The following HEPHL1 variants were observed in gnomAD, a reference collection of about 807,000 sequenced individuals.
HEPHL1 encodes the protein ferroxidase HEPHL1.
A neutral mutation model predicts 122.0 loss-of-function variants in HEPHL1; 123 were observed. The observed-to-expected ratio is 1.01, with a 90% CI of 0.87 to 1.17. The LOEUF (loss-of-function observed/expected upper bound fraction) is 1.17, where lower values mean the gene tolerates loss of function less well. Among genes scored for constraint, HEPHL1 ranks in the 50% most tolerant of loss-of-function variants. HEPHL1 has a pLI of 0.00. For missense variants in HEPHL1, 1,452 were observed against 1,430.5 expected, an observed-to-expected ratio of 1.01 and a Z score of -0.24; for synonymous variants, 527 against 508.9, an observed-to-expected ratio of 1.04 and a Z score of -0.48.
intron 1 of HEPHL1, among the ~76,000 whole-genome samples, chr11:94,030,777 G>A (rs1945667505): frequency 6.6e-6 from 1 of 152,220 alleles, no homozygotes; most frequent in Non-Finnish European, 1.5e-5. Context: ...CTTGCACAGG[G>A]AAATGTAAGT....
chr11:94,087,154 T>A (rs932176868), intron 11 of HEPHL1, among the ~76,000 whole-genome samples: 2 of 152,216 alleles, frequency 1.3e-5, no homozygotes, highest in East Asian at 3.8e-4. Flanking sequence ...TTAGTATAGT[T>A]GATCAATTAT....
At chr11:94,110,385 T>A (rs1245988858) in intron 17 of HEPHL1, among the ~76,000 whole-genome samples, 1 of 152,148 alleles carries the variant, frequency 6.6e-6, no homozygotes, top group African/African-American at 2.4e-5. Flanking sequence ...TTTTCAAAGG[T>A]TTGACTGGAG....
intron 13 of HEPHL1, among the ~76,000 whole-genome samples, chr11:94,094,831 C>A (rs914535971): frequency 6.6e-6 from 1 of 152,166 alleles, no homozygotes; most frequent in Non-Finnish European, 1.5e-5. Context: ...CCTTCACCCA[C>A]TTGTTGATAG....
Position 94,100,753 on chromosome 11 carries a change from C to T in HEPHL1, c.2435-442C>T, listed in dbSNP as rs374443270. 1.1e-4 allele frequency among the ~76,000 whole-genome samples: 16 copies of T among 152,228 alleles called. No individual in the cohort carries two copies. The East Asian group carries it at 2.3e-3, about 22-fold the overall frequency. Reference sequence around the variant, plus strand: ...ACAGGGGGATTACAACTGAAAGTCACCATATCATGTGGATATGGCTTTTCC... The same window carrying T: ...ACAGGGGGATTACAACTGAAAGTCATCATATCATGTGGATATGGCTTTTCC... On this transcript the variant is annotated intron_variant, in intron 13 of 19. Coordinates refer to ENST00000315765, the MANE Select transcript of HEPHL1 (RefSeq NM_001098672.2).
At chr11:94,074,522 A>C (rs1946104271) in intron 8 of HEPHL1, among the ~76,000 whole-genome samples, 1 of 152,172 alleles carries the variant, frequency 6.6e-6, no homozygotes, top group Admixed American at 6.5e-5. Context: ...CTCAGCAAAC[A>C]TACTGGGCAC....
chr11:94,104,823 C>G, intron 16 of HEPHL1, 73 bp downstream of exon 16: 1 of 1,123,958 alleles, frequency 8.9e-7, no homozygotes, highest in Non-Finnish European at 1.3e-6. Flanking sequence ...TAGGAGGCTC[C>G]CAGCATCCTT....
intron 13 of HEPHL1, among the ~76,000 whole-genome samples, chr11:94,093,971 G>GAT (rs201036709): frequency 0.018 from 1,294 of 72,300 alleles, 18 homozygotes; most frequent in East Asian, 0.03. Flanking sequence ...TCCTCCAGCA[G>GAT]ATATATATAT....
At position 94,085,979 on chromosome 11, in the gene HEPHL1, G is replaced by A. The variant is rs1451940204; in HGVS notation, c.1870G>A (p.Val624Ile). Residue 624 changes from valine to isoleucine, a missense_variant and splice_region_variant, in exon 11 of 20, where the codon GTT becomes ATT. Transcript: ENST00000315765. The part of the protein sequence containing the change: ...EFVKSNRMHA[V>I]NGYMYGNQPG... ...ACCGTCTTTCTTCTTCCATTTAGCT[G>A]TTAACGGCTACATGTATGGCAACCA... 1 of 1,612,866 alleles carries A rather than the reference G, an allele frequency of 6.2e-7. No individual in the cohort carries two copies. The highest frequency in any genetic ancestry group is 8.5e-7 in the Non-Finnish European group (1 of 1,179,042).
At chr11:94,093,190 A>G (rs1319892374) in intron 12 of HEPHL1, among the ~76,000 whole-genome samples, 1 of 151,866 alleles carries the variant, frequency 6.6e-6, no homozygotes, top group Non-Finnish European at 1.5e-5. Flanking sequence ...GAGAGGCGCA[A>G]CCTCAAAGGA....
chr11:94,083,013 C>T (rs553293943), intron 10 of HEPHL1, among the ~76,000 whole-genome samples: 3 of 151,198 alleles, frequency 2.0e-5, no homozygotes, highest in Non-Finnish European at 2.9e-5. Context: ...TGCTTGAACC[C>T]GGAGGTGGAG....
Position 94,111,973 on chromosome 11 carries a change from G to C in HEPHL1, c.*79G>C. ...GCAGCCAACAGGGAAACTGGACCAA[G>C]GCATCACTCACCAAGGAAGGTTGAC... On this transcript the variant is annotated 3_prime_UTR_variant, in exon 20 of 20. Coordinates refer to ENST00000315765, the MANE Select transcript of HEPHL1 (RefSeq NM_001098672.2). 3 of 1,023,342 alleles carry C rather than the reference G, an allele frequency of 2.9e-6. No individual in the cohort carries two copies. The highest frequency in any genetic ancestry group is 5.2e-5 in the Admixed American group (2 of 38,364). 63.4% of individuals were successfully genotyped at this position (1,023,342 alleles called of 1,614,324 possible).
chr11:94,047,732 T>C (rs1197537398), intron 2 of HEPHL1, among the ~76,000 whole-genome samples: 1 of 152,160 alleles, frequency 6.6e-6, no homozygotes, highest in Non-Finnish European at 1.5e-5. Flanking sequence ...TTAAGTGTAA[T>C]TTTTGTCTTC....
At chr11:94,072,858 T>G (rs138298966) in intron 6 of HEPHL1, among the ~76,000 whole-genome samples, 167 bp from the exon 7 acceptor site, 175 of 152,218 alleles carry the variant, frequency 1.1e-3, no homozygotes, top group African/African-American at 3.9e-3. Flanking sequence ...TCTGAAGACT[T>G]TTAGGGCTGG....
intron 5 of HEPHL1, 65 bp from the exon 6 acceptor site, chr11:94,070,308 CT>C (rs1946063407): frequency 6.8e-7 from 1 of 1,467,052 alleles, no homozygotes; most frequent in Non-Finnish European, 9.1e-7. Flanking sequence ...ATCTATCAGT[CT>C]TTTCCTATAT....
intron 2 of HEPHL1, among the ~76,000 whole-genome samples, chr11:94,054,000 C>T (rs1433406815): frequency 2.0e-5 from 3 of 152,164 alleles, no homozygotes; most frequent in Admixed American, 2.0e-4. Context: ...TCTCCTATAT[C>T]CTTGCTGATT....
At chr11:94,052,367 T>G (rs2134419819) in intron 2 of HEPHL1, among the ~76,000 whole-genome samples, 1 of 152,060 alleles carries the variant, frequency 6.6e-6, no homozygotes, top group East Asian at 1.9e-4. Flanking sequence ...GGTATTTAAT[T>G]TTATTTGTAG....
chr11:94,045,761 T>C lies in HEPHL1; in HGVS notation c.259T>C (p.Tyr87His). Residue 87 changes from tyrosine to histidine, a missense_variant, in exon 2 of 20, where the codon TAC (tyrosine) becomes CAC (histidine). Transcript: ENST00000315765. ...AVYRRFTDGTYSIEIPKPPWL... is the reference protein window; with the variant it reads ...AVYRRFTDGTHSIEIPKPPWL... Reference sequence around the variant, plus strand: ...TTACAGACGCTTCACGGATGGAACCTACTCCATAGAGATCCCCAAACCTCC... The same window carrying C: ...TTACAGACGCTTCACGGATGGAACCCACTCCATAGAGATCCCCAAACCTCC... 6.2e-7 allele frequency: 1 copy of C among 1,613,946 alleles called. No homozygotes were observed.
intron 2 of HEPHL1, among the ~76,000 whole-genome samples, chr11:94,060,092 TTATATATATA>T (rs1164147552): frequency 0.092 from 224 of 2,432 alleles, 6 homozygotes; most frequent in African/African-American, 0.097. Context: ...TCATATTTTA[TTATATATATA>T]TATATATATA....
At chr11:94,105,218 A>G (rs146065040) in intron 16 of HEPHL1, among the ~76,000 whole-genome samples, 1 of 152,296 alleles carries the variant, frequency 6.6e-6, no homozygotes, top group African/African-American at 2.4e-5. Context: ...ACATTGACAC[A>G]TCCACAGTTT....
Sources: gnomAD v4.1 joint callset for allele counts (sites outside exome capture counted in the v4.1 genomes callset) on GRCh38, gnomAD v4.1.1 for gene constraint, MANE v1.5 for transcripts, NCBI Gene and HGNC (gene_info 2026-07-23, HGNC 2026-07-21) for gene names.